The following BCL7B variants were observed in gnomAD, a reference collection of about 807,000 sequenced individuals.
BCL7B encodes BAF chromatin remodeling complex subunit BCL7B, also known as B-cell CLL/lymphoma 7 protein family member B.
A neutral mutation model predicts 26.5 loss-of-function variants in BCL7B; 11 were observed. The observed-to-expected ratio is 0.42, with a 90% CI of 0.26 to 0.69. The LOEUF is 0.69. Among genes scored for constraint, BCL7B ranks in the 30% least tolerant of loss-of-function variants. BCL7B has a pLI of 0.28. For synonymous variants in BCL7B, 111 were observed against 107.9 expected (o/e 1.03, Z -0.18); for missense variants, 215 against 264.4 (o/e 0.81, Z 1.30).
chr7:73,554,378 A>C (rs1792285775), intron 1 of BCL7B, among the ~76,000 whole-genome samples: 1 of 152,140 alleles, frequency 6.6e-6, no homozygotes. Context: ...ACAAGGGTCA[A>C]ATGCAGGGAA....
chr7:73,546,658 ACT>A (rs1426354599), intron 2 of BCL7B, among the ~76,000 whole-genome samples: 4 of 151,808 alleles, frequency 2.6e-5, no homozygotes, highest in African/African-American at 9.7e-5. Flanking sequence ...ACACAGCGAG[ACT>A]CTGTCTCAAA....
intron 2 of BCL7B, among the ~76,000 whole-genome samples, chr7:73,550,455 G>C (rs1792117852): frequency 6.6e-6 from 1 of 151,852 alleles, no homozygotes; most frequent in East Asian, 2.0e-4. Flanking sequence ...TGAGGCAGGA[G>C]AATTGCTTGA....
At chr7:73,541,592 T>C (rs1490395367) in intron 3 of BCL7B, among the ~76,000 whole-genome samples, 1 of 151,892 alleles carries the variant, frequency 6.6e-6, no homozygotes, top group East Asian at 1.9e-4. Context: ...CTCAGCCTCT[T>C]GAGTAGCTGG....
At chr7:73,537,456 G>T in intron 5 of BCL7B, 66 bp from the exon 6 acceptor site, 1 of 1,181,978 alleles carries the variant, frequency 8.5e-7, no homozygotes. Flanking sequence ...CCACCCACCC[G>T]AATTATAATG....
chr7:73,539,328 T>G (rs1554582538), intron 4 of BCL7B, among the ~76,000 whole-genome samples: 1 of 151,934 alleles, frequency 6.6e-6, no homozygotes, highest in East Asian at 1.9e-4. Context: ...CTCAGCTCAC[T>G]GTAACCTCTG....
rs1324580703 is a variant in BCL7B at position 73,536,574 on chromosome 7, C to A, written c.*724G>T. 1 of 152,366 alleles carries A rather than the reference C, an allele frequency of 6.6e-6. No individual in the cohort carries two copies. Among genetic ancestry groups the A allele is most frequent in the Non-Finnish European group, 1.5e-5 (1 of 68,096 alleles). 9.4% of individuals were successfully genotyped at this position (152,366 alleles called of 1,614,324 possible). On this transcript the variant is annotated 3_prime_UTR_variant, in exon 6 of 6. Transcript: ENST00000223368. ...GGTACTGTTGTCAGAACCTCAAATT[C>A]TTGCTGGGGCAGTTTGTGACAAGAG...
intron 1 of BCL7B, 95 bp downstream of exon 1, chr7:73,557,392 G>A: frequency 1.8e-6 from 2 of 1,101,020 alleles, no homozygotes; most frequent in Non-Finnish European, 2.2e-6. Flanking sequence ...CTCCCCCAGC[G>A]CCGGCCGGTC....
chr7:73,543,645 C>G lies in BCL7B; in HGVS notation c.169-1G>C. Reference sequence around the variant, plus strand: ...AACTGTTCGATTTTGACTTTTCTTTCTAGAAAAGGAAAAAAAGAGGAATAT... The same window carrying G: ...AACTGTTCGATTTTGACTTTTCTTTGTAGAAAAGGAAAAAAAGAGGAATAT... On this transcript the variant is annotated splice_acceptor_variant, in intron 2 of 5. Transcript: ENST00000223368. LOFTEE classifies it high-confidence loss of function. 1 of 1,611,036 alleles carries G rather than the reference C, an allele frequency of 6.2e-7. No homozygotes were observed. The highest frequency in any genetic ancestry group is 8.5e-7 in the Non-Finnish European group (1 of 1,178,244).
chr7:73,547,607 G>A (rs1189887505), intron 2 of BCL7B, among the ~76,000 whole-genome samples: 1 of 152,174 alleles, frequency 6.6e-6, no homozygotes, highest in African/African-American at 2.4e-5. Context: ...TCTTAACAGC[G>A]ACACTGGATG....
chr7:73,546,121 G>C (rs1252343087), intron 2 of BCL7B, among the ~76,000 whole-genome samples: 1 of 136,628 alleles, frequency 7.3e-6, no homozygotes, highest in Non-Finnish European at 1.5e-5. Flanking sequence ...GACAGAGCGA[G>C]ACTCCATCTC....
chr7:73,553,483 C>T (rs1554584390), intron 1 of BCL7B: 2 of 152,094 alleles, frequency 1.3e-5, no homozygotes, highest in East Asian at 3.9e-4. Context: ...ACCATCCTAG[C>T]TAATACGGTG....
At chr7:73,539,808 C>G in intron 4 of BCL7B, 74 bp downstream of exon 4, 1 of 1,558,602 alleles carries the variant, frequency 6.4e-7, no homozygotes, top group Non-Finnish European at 8.7e-7. Context: ...GCCTGTTACT[C>G]TAAAGACGAG....
At chr7:73,543,512 A>T (rs200391922) in intron 3 of BCL7B, 36 bp downstream of exon 3, 78 of 1,584,910 alleles carry the variant, frequency 4.9e-5, no homozygotes, top group Non-Finnish European at 6.7e-5. Flanking sequence ...CCAAGTTTTC[A>T]TTCTCCTGCA....
chr7:73,545,454 G>A (rs542165249), intron 2 of BCL7B, among the ~76,000 whole-genome samples: 3 of 152,114 alleles, frequency 2.0e-5, no homozygotes, highest in Non-Finnish European at 4.4e-5. Flanking sequence ...GCTCCAGGAT[G>A]GTCTCAATCC....
intron 2 of BCL7B, 112 bp downstream of exon 2, chr7:73,552,055 T>C: frequency 3.7e-6 from 3 of 815,920 alleles, no homozygotes; most frequent in Admixed American, 2.4e-5. Context: ...ATCATGCCAC[T>C]GCACTCCAGC....
chr7:73,547,445 G>A (rs957815331), intron 2 of BCL7B, among the ~76,000 whole-genome samples: 3 of 152,082 alleles, frequency 2.0e-5, no homozygotes. Flanking sequence ...CATGAGCTAT[G>A]GAGTGAGACA....
rs181483737 is a variant in BCL7B, at chr7:73,543,424, C to T, written c.265+124G>A. On this transcript the variant is annotated intron_variant, in intron 3 of 5. Transcript: ENST00000223368. Reference sequence around the variant, plus strand: ...AACTCCTGACCTCAGGTGATCTGCCCGCCTCAGACTCCCAAAGTGCTGAGG... The same window carrying T: ...AACTCCTGACCTCAGGTGATCTGCCTGCCTCAGACTCCCAAAGTGCTGAGG... The T allele has an allele frequency of 6.4e-4, 535 of 832,698 alleles. 2 individuals are homozygous for T. The African/African-American group carries it at 7.4e-3, about 12-fold the overall frequency. 51.6% of individuals were successfully genotyped at this position (832,698 alleles called of 1,614,324 possible). A position where few individuals can be genotyped will look rare whatever the true frequency, so the allele number is the denominator to read the frequency against.
At chr7:73,545,501 C>T (rs950958195) in intron 2 of BCL7B, among the ~76,000 whole-genome samples, 3 of 152,114 alleles carry the variant, frequency 2.0e-5, no homozygotes, top group South Asian at 4.1e-4. Flanking sequence ...GGATTACAGG[C>T]GTGAGCCATC....
chr7:73,555,954 G>A (rs1480664265), intron 1 of BCL7B, among the ~76,000 whole-genome samples: 1 of 152,150 alleles, frequency 6.6e-6, no homozygotes, highest in Non-Finnish European at 1.5e-5. Flanking sequence ...TGAACAGACT[G>A]GGGAATGAGC....
Sources: allele counts gnomAD v4.1 joint callset (sites outside exome capture counted in the v4.1 genomes callset), GRCh38; gene constraint gnomAD v4.1.1; transcripts MANE v1.5; gene names NCBI Gene and HGNC (gene_info 2026-07-23, HGNC 2026-07-21).